The following SETD3 variants were observed in gnomAD, a reference collection of about 807,000 sequenced individuals.
SETD3 encodes SET domain containing 3, actin N3(tau)-histidine methyltransferase, also known as actin-histidine N-methyltransferase.
SETD3 carries 19 observed loss-of-function variants against 63.0 expected under a neutral mutation model. The ratio of observed to expected loss-of-function variants is 0.30; its 90% CI spans 0.21 to 0.44. The LOEUF is 0.44. Among genes scored for constraint, SETD3 ranks in the 20% least tolerant of loss-of-function variants. The pLI, the probability that SETD3 is intolerant of heterozygous loss-of-function variation, is 1.00. For synonymous variants in SETD3, 286 were observed against 264.1 expected, an observed-to-expected ratio of 1.08 and a Z score of -0.80; for missense variants, 587 against 728.5, an observed-to-expected ratio of 0.81 and a Z score of 2.24.
intron 1 of SETD3, among the ~76,000 whole-genome samples, chr14:99,473,039 C>T (rs1895788282): frequency 1.3e-5 from 2 of 152,122 alleles, no homozygotes; most frequent in Non-Finnish European, 1.5e-5. Flanking sequence ...AAACTTTGGC[C>T]CTTTAAAACA....
At chr14:99,423,875 CTTT>C (rs1036460722) in intron 6 of SETD3, among the ~76,000 whole-genome samples, 1 of 151,910 alleles carries the variant, frequency 6.6e-6, no homozygotes, top group Non-Finnish European at 1.5e-5. Context: ...TGATTACTTC[CTTT>C]TTCATAAAAA....
rs2139837024 is a variant in SETD3 at position 99,480,774 on chromosome 14, A to T, written c.-55T>A. On this transcript the variant is annotated 5_prime_UTR_variant, in exon 1 of 13. Transcript: ENST00000331768. ...GCGGGAACGACGTACTCCGGCCCGG[A>T]CCCCGCCGTCCGCCTCAACCAACCC... is the stretch of plus-strand genomic sequence containing the variant. 1 of 153,952 alleles carries T rather than the reference A, an allele frequency of 6.5e-6. No individual in the cohort carries two copies. The highest frequency in any genetic ancestry group is 2.0e-4 in the South Asian group (1 of 4,982). The allele number at this position is 153,952 out of a possible 1,614,324, so 9.5% of individuals were successfully genotyped here.
rs182808828 is a variant in SETD3 at position 99,479,317 on chromosome 14, T to A, written c.-9+1411A>T. On this transcript the variant is annotated intron_variant, in intron 1 of 12. Transcript: ENST00000331768. ...CTTTCTTAGGCCGAAGAAAAACTCC[T>A]CGGTAAACTGTTGGAATTTCACCAA... 1.1e-4 allele frequency among the ~76,000 whole-genome samples: 16 copies of A among 152,310 alleles called. No individual in the cohort carries two copies. In the East Asian group the frequency reaches 2.7e-3, roughly 26 times the overall value.
upstream of SETD3, chr14:99,481,262 C>G (rs1017609594): frequency 2.5e-6 from 1 of 396,288 alleles, no homozygotes; most frequent in East Asian, 3.6e-5. Flanking sequence ...AGCCACTGAC[C>G]CGCGGGGCGG....
At chr14:99,481,800 GCA>G (rs774037304), upstream of SETD3, among the ~76,000 whole-genome samples, 8 of 152,198 alleles carry the variant, frequency 5.3e-5, no homozygotes, top group East Asian at 5.8e-4. Context: ...TGTTAACCGC[GCA>G]CAGTCTCACA....
chr14:99,411,643 G>T (rs1891998363), intron 8 of SETD3: 1 of 151,982 alleles, frequency 6.6e-6, no homozygotes, highest in Admixed American at 6.5e-5. Context: ...AAAAGAAGAA[G>T]AAAAACACTA....
chr14:99,416,436 CT>C, intron 6 of SETD3, among the ~76,000 whole-genome samples: 1 of 152,310 alleles, frequency 6.6e-6, no homozygotes, highest in Non-Finnish European at 1.5e-5. Flanking sequence ...TTACAATAGC[CT>C]TTTCACTAGA....
chr14:99,463,019 C>A (rs1281704933), intron 3 of SETD3, among the ~76,000 whole-genome samples: 1 of 152,134 alleles, frequency 6.6e-6, no homozygotes, highest in Non-Finnish European at 1.5e-5. Context: ...ATTACAATGG[C>A]GACTGCATAC....
chr14:99,483,843 C>T (rs998780464), upstream of SETD3, among the ~76,000 whole-genome samples: 5 of 152,196 alleles, frequency 3.3e-5, no homozygotes, highest in African/African-American at 1.2e-4. Context: ...TGCCCTTACT[C>T]GGATTAACAC....
In SETD3 at chr14:99,404,277, C is replaced by T. The variant is rs139142236; in HGVS notation, c.1125G>A (p.Pro375=). The change falls in exon 11 of 13, where the codon CCG becomes CCA. Residue 375 remains proline (P), a synonymous_variant. Coordinates refer to ENST00000331768, the MANE Select transcript of SETD3 (RefSeq NM_032233.3). ...SSVFALHFTE[P]PISAQLLAFL... ...AAGCCAAAAGCTGAGCAGAGATGGGCGGCTCGGTAAAATGCAATGCAAAAA... is the reference window on the plus strand; with the variant it reads ...AAGCCAAAAGCTGAGCAGAGATGGGTGGCTCGGTAAAATGCAATGCAAAAA... 7.4e-6 allele frequency: 12 copies of T among 1,613,914 alleles called. No homozygotes were observed. Among genetic ancestry groups the T allele is most frequent in the East Asian group, 4.5e-5 (2 of 44,888 alleles).
At chr14:99,485,280 A>G (rs1289858884), upstream of SETD3, among the ~76,000 whole-genome samples, 2 of 152,184 alleles carry the variant, frequency 1.3e-5, no homozygotes, top group Non-Finnish European at 2.9e-5. Context: ...GTTCTTTTCC[A>G]TTCCAGTTTC....
rs1174941293 is a variant in SETD3, at chr14:99,398,530, T to C, written c.*149A>G. The C allele has an allele frequency of 2.7e-6, 2 of 751,526 alleles. No individual in the cohort carries two copies. Among genetic ancestry groups the C allele is most frequent in the African/African-American group, 1.8e-5 (1 of 56,694 alleles). 46.6% of individuals were successfully genotyped at this position (751,526 alleles called of 1,614,324 possible). On this transcript the variant is annotated 3_prime_UTR_variant, in exon 13 of 13. Transcript: ENST00000331768. ...AAAAAGGGAAGCTAGATTTTTAAAA[T>C]AACTTAAAAAAACCATTTTTATATA...
At chr14:99,418,008 T>C (rs1215335567) in intron 6 of SETD3, among the ~76,000 whole-genome samples, 3 of 152,178 alleles carry the variant, frequency 2.0e-5, no homozygotes, top group Non-Finnish European at 4.4e-5. Context: ...GACTGATTTT[T>C]ACTTAAAGAA....
chr14:99,409,500 C>T (rs1263327049), intron 8 of SETD3, among the ~76,000 whole-genome samples: 2 of 152,144 alleles, frequency 1.3e-5, no homozygotes, highest in Admixed American at 6.5e-5. Flanking sequence ...CTGCCTGCAG[C>T]GCACACCACT....
intron 11 of SETD3, 27 bp downstream of exon 11, chr14:99,404,198 C>T: frequency 6.3e-7 from 1 of 1,581,518 alleles, no homozygotes; most frequent in Non-Finnish European, 8.7e-7. Context: ...AAAAAGTCAA[C>T]ATCTCTTTTT....
intron 1 of SETD3, among the ~76,000 whole-genome samples, chr14:99,477,117 T>C (rs1170382592): frequency 6.6e-6 from 1 of 152,218 alleles, no homozygotes; most frequent in Non-Finnish European, 1.5e-5. Flanking sequence ...AAGATAGATG[T>C]GTCTTTCATT....
chr14:99,402,184 T>A (rs1348274162), intron 11 of SETD3, among the ~76,000 whole-genome samples: 1 of 152,196 alleles, frequency 6.6e-6, no homozygotes, highest in Non-Finnish European at 1.5e-5. Context: ...CTGCTCTACC[T>A]TGTCCAAACA....
intron 6 of SETD3, among the ~76,000 whole-genome samples, chr14:99,454,717 C>G (rs1453141428): frequency 6.6e-6 from 1 of 151,878 alleles, no homozygotes; most frequent in Admixed American, 6.6e-5. Flanking sequence ...GCCCCCTTTA[C>G]AGATACGGGA....
At chr14:99,466,592 A>G (rs1450735678) in intron 1 of SETD3, among the ~76,000 whole-genome samples, 1 of 143,316 alleles carries the variant, frequency 7.0e-6, no homozygotes, top group African/African-American at 2.7e-5. Flanking sequence ...CAAAGAAAGT[A>G]AGGGACATGG....
Sources: gnomAD v4.1 joint callset for allele counts (sites outside exome capture counted in the v4.1 genomes callset) on GRCh38, gnomAD v4.1.1 for gene constraint, MANE v1.5 for transcripts, NCBI Gene and HGNC (gene_info 2026-07-23, HGNC 2026-07-21) for gene names.